WDR41: variants seen among roughly 807,000 people sequenced by gnomAD.
WDR41 encodes the protein WD repeat-containing protein 41.
WDR41 carries 63 observed loss-of-function variants against 69.3 expected under a neutral mutation model. The ratio of observed to expected loss-of-function variants is 0.91; its 90% CI spans 0.74 to 1.12. The LOEUF (loss-of-function observed/expected upper bound fraction) is 1.12, where lower values mean the gene tolerates loss of function less well. Ranked by LOEUF, WDR41 falls within the 50% of genes most tolerant of loss-of-function variation. WDR41 has a pLI of 0.00. For synonymous variants in WDR41, 185 were observed against 192.1 expected, an observed-to-expected ratio of 0.96 and a Z score of 0.31; for missense variants, 543 against 534.5, an observed-to-expected ratio of 1.02 and a Z score of -0.16.
intron 2 of WDR41, among the ~76,000 whole-genome samples, chr5:77,474,874 C>A (rs1044832544): frequency 1.4e-4 from 21 of 152,254 alleles, no homozygotes; most frequent in African/African-American, 5.1e-4. Context: ...ACGCAGAAGA[C>A]GGGTGATTTC....
chr5:77,527,482 C>T (rs944764281), intron 1 of WDR41, among the ~76,000 whole-genome samples: 21 of 151,574 alleles, frequency 1.4e-4, no homozygotes, highest in African/African-American at 4.8e-4. Context: ...AATGTGAACT[C>T]AAATATATAA....
At chr5:77,546,425 T>C (rs928211427) in intron 1 of WDR41, among the ~76,000 whole-genome samples, 1 of 150,956 alleles carries the variant, frequency 6.6e-6, no homozygotes, top group Non-Finnish European at 1.5e-5. Flanking sequence ...CAGTAAGAAA[T>C]GAAATGGGAG....
At chr5:77,466,262 A>G (rs982045980) in intron 2 of WDR41, among the ~76,000 whole-genome samples, 107 of 151,988 alleles carry the variant, frequency 7.0e-4, no homozygotes, top group Non-Finnish European at 7.8e-4. Context: ...TTTTTAAAAT[A>G]AAAATAGATT....
At position 77,437,329 on chromosome 5, in the gene WDR41, C is replaced by T. The variant is rs1283204689; in HGVS notation, c.1093+7G>A. The T allele has an allele frequency of 6.2e-7, 1 of 1,612,574 alleles. No homozygotes were observed. The highest frequency in any genetic ancestry group is 1.1e-5 in the South Asian group (1 of 91,058). On this transcript the variant is annotated splice_region_variant and intron_variant, in intron 11 of 12. Coordinates refer to ENST00000296679, the MANE Select transcript of WDR41 (RefSeq NM_018268.4). ...AAAAGACTACCTTTTTGAGAGAAGA[C>T]ACACACCTGTTGGTACAGGCTCAGC...
intron 1 of WDR41, chr5:77,499,244 T>TC (rs1306135676): frequency 6.6e-6 from 1 of 152,258 alleles, no homozygotes; most frequent in East Asian, 1.9e-4. Flanking sequence ...ATTTCTTTTT[T>TC]CTTCAGCAGC....
chr5:77,462,167 T>C (rs1235938001), intron 4 of WDR41, among the ~76,000 whole-genome samples: 2 of 152,072 alleles, frequency 1.3e-5, no homozygotes, highest in African/African-American at 2.4e-5. Flanking sequence ...CCCAGCATTG[T>C]GGGAGGCCAG....
At chr5:77,478,566 G>A (rs1801075320) in intron 2 of WDR41, among the ~76,000 whole-genome samples, 1 of 152,080 alleles carries the variant, frequency 6.6e-6, no homozygotes, top group Non-Finnish European at 1.5e-5. Context: ...CAGAACCAAA[G>A]ACAAAAACCA....
At chr5:77,560,373 C>T (rs575920677) in intron 1 of WDR41, among the ~76,000 whole-genome samples, 2 of 152,248 alleles carry the variant, frequency 1.3e-5, no homozygotes, top group South Asian at 4.1e-4. Context: ...GCTACTGTAG[C>T]TAAATGGCTT....
chr5:77,609,018 G>T (rs181819456), intron 1 of WDR41, among the ~76,000 whole-genome samples: 22 of 151,768 alleles, frequency 1.4e-4, no homozygotes, highest in Admixed American at 4.6e-4. Context: ...CACCTGGCTC[G>T]GAGGGTCCTA....
chr5:77,449,807 C>A lies in WDR41; in HGVS notation c.650G>T (p.Arg217Leu), dbSNP rs778375538. ...AATATTATCCTGGTGATCAAGGAGG[C>A]GCTTAACTTCAAGAATATCCCATTC... ...SLEWDILEVKRLLDHQDNILS... is the reference protein window; with the variant it reads ...SLEWDILEVKLLLDHQDNILS... Residue 217 changes from arginine (R) to leucine (L), a missense_variant, in exon 8 of 13, where the codon CGC (arginine) becomes CTC (leucine). Physicochemically the swap from Arg to Leu is moderately radical, Grantham distance 102. Transcript: ENST00000296679. 1 of 1,613,528 alleles carries A rather than the reference C, an allele frequency of 6.2e-7. No individual in the cohort carries two copies. Among genetic ancestry groups the A allele is most frequent in the African/African-American group, 1.3e-5 (1 of 74,888 alleles).
chr5:77,545,928 C>A (rs1743188355), intron 1 of WDR41: 3 of 507,120 alleles, frequency 5.9e-6, no homozygotes, highest in Non-Finnish European at 1.0e-5. Flanking sequence ...CCATGCCATC[C>A]CTTGCAAGGT....
Position 77,442,824 on chromosome 5 carries a change from G to A in WDR41, c.698-1827C>T, listed in dbSNP as rs1320105664. ...GGAGAATGACGTGAACCCGGGAGGC[G>A]GAGCTTGCAGTAAGCCGAGATCGCG... is the stretch of plus-strand genomic sequence containing the variant. On this transcript the variant is annotated intron_variant, in intron 8 of 12. Coordinates refer to ENST00000296679, the MANE Select transcript of WDR41 (RefSeq NM_018268.4). Among the ~76,000 whole-genome samples, 6 of 133,632 alleles carry A rather than the reference G, an allele frequency of 4.5e-5. No homozygotes were observed. The East Asian group carries it at 6.8e-4, about 15-fold the overall frequency. 87.7% of individuals were successfully genotyped at this position (133,632 alleles called of 152,430 possible). A position where few individuals can be genotyped will look rare whatever the true frequency, so the allele number is the denominator to read the frequency against.
chr5:77,571,931 C>T (rs1743741014), intron 1 of WDR41, among the ~76,000 whole-genome samples: 1 of 152,134 alleles, frequency 6.6e-6, no homozygotes, highest in Non-Finnish European at 1.5e-5. Context: ...TTAATATTTG[C>T]ATTCTTAGTG....
chr5:77,481,832 T>C (rs894179535), intron 2 of WDR41, among the ~76,000 whole-genome samples: 1 of 151,854 alleles, frequency 6.6e-6, no homozygotes, highest in Admixed American at 6.6e-5. Flanking sequence ...TAATCCAGTT[T>C]TGTATCGGTT....
At chr5:77,527,512 G>C (rs1258705855) in intron 1 of WDR41, among the ~76,000 whole-genome samples, 1 of 151,872 alleles carries the variant, frequency 6.6e-6, no homozygotes, top group Non-Finnish European at 1.5e-5. Context: ...TACAGGACTA[G>C]AGGTAGAAAC....
intron 4 of WDR41, among the ~76,000 whole-genome samples, chr5:77,462,524 TTAC>T (rs1391989381): frequency 2.0e-5 from 3 of 152,124 alleles, no homozygotes; most frequent in African/African-American, 7.2e-5. Context: ...CATAAGCACT[TTAC>T]TACTGCTATC....
chr5:77,601,456 A>T (rs148399539), intron 1 of WDR41, among the ~76,000 whole-genome samples: 1 of 152,200 alleles, frequency 6.6e-6, no homozygotes, highest in Non-Finnish European at 1.5e-5. Flanking sequence ...GGATGTCAGT[A>T]AAGCAGAGAA....
intron 1 of WDR41, among the ~76,000 whole-genome samples, chr5:77,594,735 C>G (rs1014678890): frequency 6.6e-6 from 1 of 152,064 alleles, no homozygotes; most frequent in African/African-American, 2.4e-5. Flanking sequence ...ACTGTCTGAG[C>G]TACAGGGGAA....
At chr5:77,569,056 A>G (rs1255289212) in intron 1 of WDR41, among the ~76,000 whole-genome samples, 1 of 152,130 alleles carries the variant, frequency 6.6e-6, no homozygotes, top group African/African-American at 2.4e-5. Flanking sequence ...GCACTTTGAC[A>G]CTTTGTGGAT....
Sources: gnomAD v4.1 joint callset for allele counts (sites outside exome capture counted in the v4.1 genomes callset) on GRCh38, gnomAD v4.1.1 for gene constraint, MANE v1.5 for transcripts, NCBI Gene and HGNC (gene_info 2026-07-23, HGNC 2026-07-21) for gene names.